The following CAMKMT variants were observed in gnomAD, a reference collection of about 807,000 sequenced individuals.
CAMKMT encodes the protein calmodulin-lysine N-methyltransferase, also known as CaM KMT.
Under a neutral mutation model 48.0 loss-of-function variants are expected in CAMKMT, and 53 were observed. The observed-to-expected ratio is 1.10, with a 90% CI of 0.89 to 1.39. The LOEUF is 1.39. CAMKMT is among the 40% of genes most tolerant of loss of function. The pLI, the probability that CAMKMT is intolerant of heterozygous loss-of-function variation, is 0.00. For synonymous variants in CAMKMT, 165 were observed against 152.3 expected (o/e 1.08, Z -0.61); for missense variants, 428 against 402.7 (o/e 1.06, Z -0.54).
chr2:44,573,035 A>T (rs1310855901), intron 3 of CAMKMT, among the ~76,000 whole-genome samples: 4 of 151,734 alleles, frequency 2.6e-5, no homozygotes, highest in Admixed American at 2.6e-4. Flanking sequence ...GTGTGCTGCT[A>T]TTACTGTTAG....
chr2:44,447,847 G>A (rs1260174679), intron 3 of CAMKMT, among the ~76,000 whole-genome samples: 1 of 152,170 alleles, frequency 6.6e-6, no homozygotes, highest in Non-Finnish European at 1.5e-5. Context: ...TGAGCAACTT[G>A]TATTTTTCAG....
chr2:44,493,079 C>T (rs546088704), intron 3 of CAMKMT, among the ~76,000 whole-genome samples: 12 of 151,654 alleles, frequency 7.9e-5, no homozygotes, highest in Non-Finnish European at 1.5e-4. Context: ...ATTTTTTTAG[C>T]AGAGACGGGG....
At chr2:44,635,544 G>A (rs1572966154) in intron 3 of CAMKMT, among the ~76,000 whole-genome samples, 1 of 152,112 alleles carries the variant, frequency 6.6e-6, no homozygotes, top group East Asian at 1.9e-4. Context: ...TGCATATCTT[G>A]GGTTCACGCA....
Position 44,766,459 on chromosome 2 carries a change from A to T in CAMKMT, c.792A>T (p.Arg264=). Residue 264 remains arginine, a synonymous_variant, in exon 10 of 11, where the codon CGA becomes CGT. Transcript: ENST00000378494. ...RGKAMVFAPR[R]GNTLNQFCNL... Reference sequence around the variant, plus strand: ...AAGCGATGGTATTTGCCCCACGCCGAGGGAATACTTTAAACCAGTTTTGCA... The same window carrying T: ...AAGCGATGGTATTTGCCCCACGCCGTGGGAATACTTTAAACCAGTTTTGCA... 6.2e-7 allele frequency: 1 copy of T among 1,614,184 alleles called. No homozygotes were observed. The highest frequency in any genetic ancestry group is 8.5e-7 in the Non-Finnish European group (1 of 1,180,020).
At chr2:44,399,898 G>A (rs1006309078) in intron 3 of CAMKMT, among the ~76,000 whole-genome samples, 1 of 152,138 alleles carries the variant, frequency 6.6e-6, no homozygotes, top group African/African-American at 2.4e-5. Flanking sequence ...TATTAACAAT[G>A]CTTACTTTCA....
At chr2:44,441,630 A>T (rs768902048) in intron 3 of CAMKMT, among the ~76,000 whole-genome samples, 1 of 152,110 alleles carries the variant, frequency 6.6e-6, no homozygotes, top group African/African-American at 2.4e-5. Flanking sequence ...GTGCCTTCGA[A>T]TATCTTTCAG....
intron 3 of CAMKMT, among the ~76,000 whole-genome samples, chr2:44,685,045 C>G (rs1350479864): frequency 6.6e-6 from 1 of 151,996 alleles, no homozygotes; most frequent in Admixed American, 6.6e-5. Flanking sequence ...TACAGCATAA[C>G]TTCATGTGCA....
intron 3 of CAMKMT, among the ~76,000 whole-genome samples, chr2:44,441,744 A>G (rs1666677392): frequency 6.6e-6 from 1 of 152,200 alleles, no homozygotes; most frequent in African/African-American, 2.4e-5. Context: ...AACTAGTTGT[A>G]CTGTAGAAGG....
intron 3 of CAMKMT, among the ~76,000 whole-genome samples, chr2:44,519,986 C>T (rs887467018): frequency 7.3e-5 from 11 of 150,856 alleles, no homozygotes; most frequent in African/African-American, 2.7e-4. Flanking sequence ...CTGAGGCGGG[C>T]GGATCACGAG....
At chr2:44,742,658 T>C (rs527967735) in intron 7 of CAMKMT, among the ~76,000 whole-genome samples, 42 of 152,314 alleles carry the variant, frequency 2.8e-4, no homozygotes, top group African/African-American at 9.6e-4. Flanking sequence ...TTACTGGCAT[T>C]AATATATATT....
At chr2:44,459,663 AT>A (rs1667750426) in intron 3 of CAMKMT, among the ~76,000 whole-genome samples, 1 of 152,298 alleles carries the variant, frequency 6.6e-6, no homozygotes, top group African/African-American at 2.4e-5. Flanking sequence ...ACTCCCCCAT[AT>A]CCCCCGCAAT....
At chr2:44,688,442 A>C (rs1233367515) in intron 3 of CAMKMT, among the ~76,000 whole-genome samples, 1 of 152,156 alleles carries the variant, frequency 6.6e-6, no homozygotes. Flanking sequence ...GCCATTTTGC[A>C]CAGCTGAGAT....
At chr2:44,580,143 G>C (rs1289377420) in intron 3 of CAMKMT, among the ~76,000 whole-genome samples, 1 of 151,990 alleles carries the variant, frequency 6.6e-6, no homozygotes, top group Non-Finnish European at 1.5e-5. Context: ...TGTGTTTTAA[G>C]ACTCTAAGTG....
chr2:44,524,779 G>A (rs1671311873), intron 3 of CAMKMT, among the ~76,000 whole-genome samples: 1 of 152,174 alleles, frequency 6.6e-6, no homozygotes, highest in Non-Finnish European at 1.5e-5. Flanking sequence ...CAAAGGCCAT[G>A]TCCTGTTCAT....
chr2:44,454,945 A>G (rs1398164821), intron 3 of CAMKMT, among the ~76,000 whole-genome samples: 1 of 151,872 alleles, frequency 6.6e-6, no homozygotes, highest in Non-Finnish European at 1.5e-5. Context: ...TGGTCTTTGA[A>G]CTCTTGATTT....
intron 3 of CAMKMT, among the ~76,000 whole-genome samples, chr2:44,667,851 T>A (rs780995797): frequency 6.6e-6 from 1 of 152,186 alleles, no homozygotes; most frequent in Non-Finnish European, 1.5e-5. Flanking sequence ...TCATTGCTCA[T>A]CACTCCCTCC....
intron 3 of CAMKMT, among the ~76,000 whole-genome samples, chr2:44,414,501 C>A (rs1381498863): frequency 6.6e-6 from 1 of 152,086 alleles, no homozygotes; most frequent in Non-Finnish European, 1.5e-5. Flanking sequence ...ACCCTGTGGG[C>A]CTTCCATGAG....
At chr2:44,678,199 TA>T (rs1290291284) in intron 3 of CAMKMT, among the ~76,000 whole-genome samples, 1 of 152,194 alleles carries the variant, frequency 6.6e-6, no homozygotes, top group Non-Finnish European at 1.5e-5. Context: ...AAAAATTTTT[TA>T]AATGCGTGAA....
chr2:44,418,082 C>T (rs1267350143), intron 3 of CAMKMT, among the ~76,000 whole-genome samples: 1 of 151,564 alleles, frequency 6.6e-6, no homozygotes, highest in Non-Finnish European at 1.5e-5. Context: ...ATCCCAAATA[C>T]TCTGGAGGCT....
Sources: gnomAD v4.1 joint callset for allele counts (sites outside exome capture counted in the v4.1 genomes callset) on GRCh38, gnomAD v4.1.1 for gene constraint, MANE v1.5 for transcripts, NCBI Gene and HGNC (gene_info 2026-07-23, HGNC 2026-07-21) for gene names.